RANBP2: variants seen among roughly 807,000 people sequenced by gnomAD.
RANBP2 encodes E3 SUMO-protein ligase RanBP2.
Under a neutral mutation model 303.6 loss-of-function variants are expected in RANBP2, and 57 were observed. The observed-to-expected ratio is 0.19, with a 90% CI of 0.15 to 0.23. RANBP2 has a LOEUF of 0.23. Among genes scored for constraint, RANBP2 ranks in the 10% least tolerant of loss-of-function variants. The pLI, the probability that RANBP2 is intolerant of heterozygous loss-of-function variation, is 1.00. For missense variants in RANBP2, 3,138 were observed against 3,780.8 expected (o/e 0.83, Z 4.46); for synonymous variants, 1,167 against 1,301.5 (o/e 0.90, Z 2.23).
At chr2:109,751,579 C>T in the RANBP2 span, among the ~76,000 whole-genome samples, 3 of 106,294 alleles carry the variant, frequency 2.8e-5, no homozygotes, top group South Asian at 7.2e-4. Flanking sequence ...CTAAAATAGC[C>T]TTTCAGTCCC....
the RANBP2 span, among the ~76,000 whole-genome samples, chr2:108,870,185 A>C: frequency 1.3e-4 from 20 of 152,222 alleles, no homozygotes; most frequent in Admixed American, 9.8e-4. Flanking sequence ...AAAAGAACCA[A>C]ATTCTGGAAC....
chr2:109,212,621 A>G, the RANBP2 span, among the ~76,000 whole-genome samples: 1 of 152,122 alleles, frequency 6.6e-6, no homozygotes, highest in South Asian at 2.1e-4. Flanking sequence ...GGGTTCATTG[A>G]TCTTTGTCAA....
the RANBP2 span, among the ~76,000 whole-genome samples, chr2:109,386,861 C>T: frequency 2.0e-5 from 3 of 152,204 alleles, no homozygotes; most frequent in African/African-American, 7.2e-5. Flanking sequence ...TAGGGCACCT[C>T]ACGCTTTGTA....
chr2:109,663,371 C>T, the RANBP2 span, among the ~76,000 whole-genome samples: 1 of 152,202 alleles, frequency 6.6e-6, no homozygotes, highest in Non-Finnish European at 1.5e-5. Context: ...GTGTTTCATT[C>T]ATTTGTGCAT....
At chr2:109,024,900 T>G in the RANBP2 span, among the ~76,000 whole-genome samples, 1 of 152,224 alleles carries the variant, frequency 6.6e-6, no homozygotes, top group Admixed American at 6.5e-5. Context: ...CACTGTTAAG[T>G]ATAGAATTCA....
the RANBP2 span, among the ~76,000 whole-genome samples, chr2:109,166,683 C>G: frequency 1.3e-5 from 2 of 152,084 alleles, no homozygotes; most frequent in Non-Finnish European, 2.9e-5. Flanking sequence ...AAAATAAAGA[C>G]CTGAAGTTCT....
chr2:109,552,939 A>G, the RANBP2 span: 3 of 881,010 alleles, frequency 3.4e-6, no homozygotes, highest in Non-Finnish European at 5.1e-6. Context: ...ATTCTAAGTC[A>G]ATATTCAAAT....
chr2:109,591,369 G>T, the RANBP2 span, among the ~76,000 whole-genome samples: 1 of 152,142 alleles, frequency 6.6e-6, no homozygotes, highest in Non-Finnish European at 1.5e-5. Context: ...TGGTCCCCAT[G>T]ATGTAACACA....
intron 12 of RANBP2, among the ~76,000 whole-genome samples, chr2:108,752,340 C>T (rs1157564830): frequency 6.6e-6 from 1 of 151,892 alleles, no homozygotes; most frequent in African/African-American, 2.4e-5. Context: ...TGTTTTGTGT[C>T]ACCATGAGGT....
chr2:109,645,221 A>T, the RANBP2 span, among the ~76,000 whole-genome samples: 23,977 of 152,190 alleles, frequency 0.16, 2,704 homozygotes, highest in East Asian at 0.47. Context: ...TGCCAGCGAG[A>T]GGCAACCAAG....
At chr2:109,565,149 T>G in the RANBP2 span, among the ~76,000 whole-genome samples, 1 of 152,172 alleles carries the variant, frequency 6.6e-6, no homozygotes, top group African/African-American at 2.4e-5. Context: ...CTTTTACATT[T>G]TTTATAAAAT....
the RANBP2 span, among the ~76,000 whole-genome samples, chr2:109,514,676 G>A: frequency 1.3e-5 from 2 of 152,224 alleles, no homozygotes; most frequent in Admixed American, 6.5e-5. Flanking sequence ...CTACAGCCTG[G>A]ACTGGAGTTT....
intron 4 of RANBP2, among the ~76,000 whole-genome samples, chr2:108,732,689 C>T (rs963880515): frequency 2.0e-5 from 3 of 152,102 alleles, no homozygotes; most frequent in African/African-American, 4.8e-5. Context: ...CTCATGCTGC[C>T]CCTTTTGTAG....
the RANBP2 span, among the ~76,000 whole-genome samples, chr2:109,689,400 T>TG: frequency 6.6e-6 from 1 of 152,060 alleles, no homozygotes; most frequent in Non-Finnish European, 1.5e-5. Context: ...GATGGACCTT[T>TG]GCAGCCTGAA....
the RANBP2 span, among the ~76,000 whole-genome samples, chr2:109,011,399 T>C: frequency 2.0e-5 from 3 of 152,208 alleles, no homozygotes; most frequent in Non-Finnish European, 4.4e-5. Flanking sequence ...AGTGTTGCCA[T>C]TGGGAAGTGC....
At chr2:109,664,207 A>G in the RANBP2 span, among the ~76,000 whole-genome samples, 3 of 152,244 alleles carry the variant, frequency 2.0e-5, no homozygotes, top group Non-Finnish European at 4.4e-5. Context: ...CGATTTCCGT[A>G]AAGATGCATA....
chr2:109,408,884 A>G, the RANBP2 span, among the ~76,000 whole-genome samples: 7,786 of 152,260 alleles, frequency 0.051, 376 homozygotes, highest in African/African-American at 0.12. Flanking sequence ...CCTTCCTACC[A>G]TCAGAGGCAA....
At chr2:108,956,436 C>A in the RANBP2 span, among the ~76,000 whole-genome samples, 2 of 152,192 alleles carry the variant, frequency 1.3e-5, no homozygotes, top group Non-Finnish European at 2.9e-5. Context: ...CCACTCAAAT[C>A]CCTCCATGTC....
chr2:108,902,567 G>A, the RANBP2 span, among the ~76,000 whole-genome samples: 1 of 152,024 alleles, frequency 6.6e-6, no homozygotes, highest in Non-Finnish European at 1.5e-5. Flanking sequence ...ACCAAAACCA[G>A]ACAAAGACAA....
Sources: gnomAD v4.1 joint callset for allele counts (sites outside exome capture counted in the v4.1 genomes callset) on GRCh38, gnomAD v4.1.1 for gene constraint, MANE v1.5 for transcripts, NCBI Gene and HGNC (gene_info 2026-07-23, HGNC 2026-07-21) for gene names.